DMD: variants seen among roughly 807,000 people sequenced by gnomAD.
DMD encodes the protein dystrophin, also known as mutant dystrophin.
Under a neutral mutation model 330.1 loss-of-function variants are expected in DMD, and 63 were observed. That is an observed-to-expected ratio of 0.19 (90% confidence interval 0.16 to 0.24). DMD has a LOEUF of 0.24. Among genes scored for constraint, DMD ranks in the 10% least tolerant of loss-of-function variants. The probability of loss-of-function intolerance (pLI) is 1.00; values close to 1 mark genes in which losing one functional copy is unlikely to be tolerated. For missense variants in DMD, 3,344 were observed against 2,684.1 expected, an observed-to-expected ratio of 1.25 and a Z score of -5.43; for synonymous variants, 1,223 against 959.8, an observed-to-expected ratio of 1.27 and a Z score of -5.07.
intron 60 of DMD, among the ~76,000 whole-genome samples, chrX:31,393,728 A>T (rs1056263164): frequency 5.4e-5 from 6 of 111,649 alleles, no homozygotes; most frequent in African/African-American, 2.0e-4. Flanking sequence ...TTGAACAGAT[A>T]AATAAATGGA....
At chrX:31,905,712 A>G (rs2094470464) in intron 47 of DMD, among the ~76,000 whole-genome samples, 1 of 111,354 alleles carries the variant, frequency 9.0e-6, no homozygotes, top group Non-Finnish European at 1.9e-5. Flanking sequence ...AGGAAAAAGT[A>G]AAAAATTATA....
At chrX:32,104,370 T>G (rs891340100) in intron 44 of DMD, among the ~76,000 whole-genome samples, 2 of 111,133 alleles carry the variant, frequency 1.8e-5, no homozygotes, top group Non-Finnish European at 3.8e-5. Context: ...AAGTAAAAAC[T>G]AGAGAGGTAA....
chrX:31,142,814 T>G (rs1167977347), intron 76 of DMD, among the ~76,000 whole-genome samples: 1 of 112,056 alleles, frequency 8.9e-6, no homozygotes, highest in Non-Finnish European at 1.9e-5. Flanking sequence ...TCCAATAGAA[T>G]GTACGTTTCA....
intron 66 of DMD, among the ~76,000 whole-genome samples, chrX:31,205,559 G>C (rs893010119): frequency 8.9e-6 from 1 of 112,186 alleles, no homozygotes; most frequent in African/African-American, 3.2e-5. Context: ...CCTATACTAA[G>C]TAACTACAAT....
At chrX:31,359,703 G>C (rs1192511373) in intron 60 of DMD, among the ~76,000 whole-genome samples, 1 of 111,648 alleles carries the variant, frequency 9.0e-6, no homozygotes, top group Non-Finnish European at 1.9e-5. Context: ...GTACCCCCAG[G>C]ACCCAGGTCA....
Position 32,342,134 on chromosome X carries a change from A to G in DMD, c.5888T>C (p.Phe1963Ser), listed in dbSNP as rs2097746769. The change falls in exon 41 of 79, where the codon TTT (phenylalanine) becomes TCT (serine). Residue 1963 changes from phenylalanine to serine, a missense_variant. Phe to Ser is a radical substitution (Grantham distance 155). Coordinates refer to ENST00000357033, the MANE Select transcript of DMD (RefSeq NM_004006.3). Reference sequence around the variant, plus strand: ...AAAGTTGAGTCTTCGAAACTGAGCAAATTTGCTCTCAATTTCCCGCCAGCG... The same window carrying G: ...AAAGTTGAGTCTTCGAAACTGAGCAGATTTGCTCTCAATTTCCCGCCAGCG... Reference protein sequence around the residue: ...SKRWREIESKFAQFRRLNFAQ... With the variant: ...SKRWREIESKSAQFRRLNFAQ... 8.3e-7 allele frequency: 1 copy of G among 1,210,251 alleles called. No individual in the cohort carries two copies. Among genetic ancestry groups the G allele is most frequent in the African/African-American group, 1.7e-5 (1 of 57,727 alleles).
chrX:31,884,370 G>A (rs1250505802), intron 47 of DMD, among the ~76,000 whole-genome samples: 2 of 111,664 alleles, frequency 1.8e-5, no homozygotes, highest in East Asian at 2.8e-4. Context: ...TGGAAGACAT[G>A]ATGTCAAGTG....
At chrX:31,396,349 G>T (rs2148819212) in intron 60 of DMD, among the ~76,000 whole-genome samples, 1 of 110,477 alleles carries the variant, frequency 9.1e-6, no homozygotes, top group Non-Finnish European at 1.9e-5. Context: ...GTGTTAGCCA[G>T]GATGGTCTCC....
intron 44 of DMD, among the ~76,000 whole-genome samples, chrX:32,132,967 A>G (rs1451059325): frequency 1.2e-5 from 1 of 86,067 alleles, no homozygotes; most frequent in African/African-American, 5.0e-5. Context: ...TTTTCTTCCC[A>G]TCTCATTGAT....
intron 44 of DMD, among the ~76,000 whole-genome samples, chrX:32,163,605 C>T (rs2096857801): frequency 9.0e-6 from 1 of 111,713 alleles, no homozygotes; most frequent in Non-Finnish European, 1.9e-5. Flanking sequence ...TGACTCTAAA[C>T]ATGGTATAAA....
chrX:32,104,437 A>G (rs111531454), intron 44 of DMD, among the ~76,000 whole-genome samples: 3 of 111,193 alleles, frequency 2.7e-5, no homozygotes, highest in African/African-American at 9.8e-5. Flanking sequence ...TGGAGGCCAG[A>G]TTTGCCTGTG....
chrX:33,295,648 A>G (rs2053573121), intron 1 of DMD, among the ~76,000 whole-genome samples: 1 of 111,735 alleles, frequency 8.9e-6, no homozygotes, highest in Non-Finnish European at 1.9e-5. Context: ...TGTTCTAAAC[A>G]AATTCAGAAA....
rs375200856 is a variant in DMD at position 32,359,457 on chromosome X, C to T, written c.5325+3331G>A. On this transcript the variant is annotated intron_variant, in intron 37 of 78. Coordinates refer to ENST00000357033, the MANE Select transcript of DMD (RefSeq NM_004006.3). ...TTTTTATCACCATAGTATTTTTTTT[C>T]CCCAGGTTACTCTTCCATGAAACTT... Among the ~76,000 whole-genome samples the T allele has an allele frequency of 9.5e-4, 105 of 110,834 alleles. 1 individual carries two copies. Among genetic ancestry groups the T allele is most frequent in the African/African-American group, 3.3e-3 (100 of 30,546 alleles).
chrX:32,219,187 C>A (rs892526138), intron 43 of DMD, among the ~76,000 whole-genome samples: 1 of 111,810 alleles, frequency 8.9e-6, no homozygotes, highest in South Asian at 3.7e-4. Flanking sequence ...TACAATATAT[C>A]CTTCCACAAC....
chrX:31,433,705 C>T (rs1195895443), intron 60 of DMD, among the ~76,000 whole-genome samples: 1 of 111,136 alleles, frequency 9.0e-6, no homozygotes, highest in Admixed American at 9.6e-5. Flanking sequence ...GTGATCCACC[C>T]ACCTCGACCT....
intron 2 of DMD, among the ~76,000 whole-genome samples, chrX:33,002,758 G>C (rs1362303183): frequency 1.0e-5 from 1 of 96,142 alleles, no homozygotes; most frequent in African/African-American, 3.9e-5. Flanking sequence ...TTTGCCTTCA[G>C]TTTAGTCCTA....
At chrX:33,076,297 A>G (rs2094840246) in intron 1 of DMD, among the ~76,000 whole-genome samples, 1 of 109,959 alleles carries the variant, frequency 9.1e-6, no homozygotes, top group Admixed American at 9.8e-5. Flanking sequence ...TAATAATAAA[A>G]CTCCAGTCTC....
chrX:31,233,487 A>AT (rs34713210), intron 63 of DMD, among the ~76,000 whole-genome samples: 64 of 106,578 alleles, frequency 6.0e-4, no homozygotes, highest in East Asian at 3.5e-3. Context: ...AAATTCACAG[A>AT]TTTTTTTTTT....
intron 47 of DMD, among the ~76,000 whole-genome samples, chrX:31,909,916 T>C: frequency 8.9e-6 from 1 of 112,665 alleles, no homozygotes. Flanking sequence ...TTTCTATTTT[T>C]TGAACTCCAG....
Sources: allele counts gnomAD v4.1 joint callset (sites outside exome capture counted in the v4.1 genomes callset), GRCh38; gene constraint gnomAD v4.1.1; transcripts MANE v1.5; gene names NCBI Gene and HGNC (gene_info 2026-07-23, HGNC 2026-07-21).